MPPED2: variants seen among roughly 807,000 people sequenced by gnomAD.
MPPED2 encodes the protein metallophosphoesterase domain containing 2, also known as metallophosphoesterase MPPED2.
A neutral mutation model predicts 33.0 loss-of-function variants in MPPED2; 5 were observed. The observed-to-expected ratio is 0.15, with a 90% CI of 0.08 to 0.32. The LOEUF is 0.32. MPPED2 is among the 10% of genes least tolerant of loss of function. MPPED2 has a pLI of 1.00. For synonymous variants in MPPED2, 136 were observed against 141.9 expected (o/e 0.96, Z 0.29); for missense variants, 275 against 372.1 (o/e 0.74, Z 2.15).
At chr11:30,565,830 C>T (rs2134758929) in intron 2 of MPPED2, among the ~76,000 whole-genome samples, 1 of 152,168 alleles carries the variant, frequency 6.6e-6, no homozygotes, top group African/African-American at 2.4e-5. Flanking sequence ...GTTTAGTCAC[C>T]CACAATTAGA....
chr11:30,546,459 C>T (rs1360429677), intron 2 of MPPED2, among the ~76,000 whole-genome samples: 2 of 152,112 alleles, frequency 1.3e-5, no homozygotes, highest in African/African-American at 2.4e-5. Context: ...AAATTGAGAA[C>T]AAATTCTGTC....
intron 4 of MPPED2, among the ~76,000 whole-genome samples, chr11:30,463,448 G>A (rs1950585738): frequency 6.6e-6 from 1 of 152,214 alleles, no homozygotes; most frequent in African/African-American, 2.4e-5. Flanking sequence ...CCAGGCTAAG[G>A]CCATTTGTGC....
At chr11:30,419,085 T>C (rs898027907) in intron 4 of MPPED2, among the ~76,000 whole-genome samples, 1 of 152,188 alleles carries the variant, frequency 6.6e-6, no homozygotes, top group African/African-American at 2.4e-5. Flanking sequence ...TTGCTTATAA[T>C]AGAAATAAGA....
intron 4 of MPPED2, among the ~76,000 whole-genome samples, chr11:30,492,631 T>C (rs1428828532): frequency 6.6e-6 from 1 of 152,032 alleles, no homozygotes; most frequent in East Asian, 1.9e-4. Context: ...AGATTACAGT[T>C]TGACAGGACT....
intron 3 of MPPED2, among the ~76,000 whole-genome samples, chr11:30,519,446 T>C (rs1374117965): frequency 6.6e-6 from 1 of 151,874 alleles, no homozygotes; most frequent in Non-Finnish European, 1.5e-5. Context: ...ACACATATAA[T>C]AGTACTGATG....
rs1266674264 is a variant in MPPED2, at chr11:30,410,387, C to G, written c.*1081G>C. ...ATGGGAAAACAGAAATGACTATTAG[C>G]GACAATATTTTGTGCTAGCGAAGAT... On this transcript the variant is annotated 3_prime_UTR_variant, in exon 7 of 7. Transcript: ENST00000358117. 1.0e-6 allele frequency: 1 copy of G among 985,574 alleles called. No homozygotes were observed. The highest frequency in any genetic ancestry group is 1.7e-5 in the African/African-American group (1 of 57,182). The allele number at this position is 985,574 out of a possible 1,614,324, so 61.1% of individuals were successfully genotyped here. A position where few individuals can be genotyped will look rare whatever the true frequency, so the allele number is the denominator to read the frequency against.
downstream of MPPED2, among the ~76,000 whole-genome samples, chr11:30,408,409 T>G (rs1948023743): frequency 1.3e-5 from 2 of 152,314 alleles, no homozygotes; most frequent in South Asian, 4.1e-4. Flanking sequence ...CCTCCTGGGT[T>G]CAAGTGATTC....
chr11:30,502,780 T>G (rs550436753), intron 3 of MPPED2, among the ~76,000 whole-genome samples: 1 of 152,296 alleles, frequency 6.6e-6, no homozygotes, highest in African/African-American at 2.4e-5. Flanking sequence ...ATCAGCATTT[T>G]AAAATAAACA....
Position 30,580,255 on chromosome 11 carries a change from T to G in MPPED2, c.119A>C (p.His40Pro). Residue 40 changes from histidine (H) to proline (P), a missense_variant, in exon 2 of 7, where the codon CAT (histidine) becomes CCT (proline). Physicochemically the swap from His to Pro is moderately conservative, Grantham distance 77. Coordinates refer to ENST00000358117, the MANE Select transcript of MPPED2 (RefSeq NM_001584.3). ...NINQSRFQPP[H>P]VHMVDPIPYD... ...CATAAGCGATACTTACATATGTACA[T>G]GTGGAGGCTGGAATCTGCTCTGGTT... 3 of 1,614,050 alleles carry G rather than the reference T, an allele frequency of 1.9e-6. No homozygotes were observed. Among genetic ancestry groups the G allele is most frequent in the Non-Finnish European group, 2.5e-6 (3 of 1,179,940 alleles).
At chr11:30,575,134 T>C (rs1021970516) in intron 2 of MPPED2, among the ~76,000 whole-genome samples, 9 of 152,130 alleles carry the variant, frequency 5.9e-5, no homozygotes, top group African/African-American at 2.2e-4. Flanking sequence ...TGGCATGAAA[T>C]AATCACCCAG....
intron 3 of MPPED2, among the ~76,000 whole-genome samples, chr11:30,509,180 G>GC (rs1953002056): frequency 6.6e-6 from 1 of 152,008 alleles, no homozygotes; most frequent in African/African-American, 2.4e-5. Flanking sequence ...GTTATACAGG[G>GC]GCTTTTTTTA....
chr11:30,445,814 C>T (rs75807372), intron 4 of MPPED2, among the ~76,000 whole-genome samples: 7,313 of 152,258 alleles, frequency 0.048, 276 homozygotes, highest in Non-Finnish European at 0.072. Flanking sequence ...GATTAATATT[C>T]CATTTTAGGT....
At chr11:30,527,015 C>T (rs1164200313) in intron 3 of MPPED2, among the ~76,000 whole-genome samples, 2 of 151,942 alleles carry the variant, frequency 1.3e-5, no homozygotes, top group Non-Finnish European at 2.9e-5. Flanking sequence ...AGCTCCGCCT[C>T]CCAGGTTCAC....
chr11:30,501,818 G>T (rs546672656), intron 3 of MPPED2, among the ~76,000 whole-genome samples: 1 of 152,170 alleles, frequency 6.6e-6, no homozygotes, highest in Non-Finnish European at 1.5e-5. Flanking sequence ...GTCAAAGTCA[G>T]CATAACTCCC....
chr11:30,566,701 G>A (rs1221892003), intron 2 of MPPED2, among the ~76,000 whole-genome samples: 3 of 152,154 alleles, frequency 2.0e-5, no homozygotes, highest in African/African-American at 7.2e-5. Context: ...AACATGCCTA[G>A]CATTGTGATA....
At chr11:30,470,184 C>T (rs1950888470) in intron 4 of MPPED2, among the ~76,000 whole-genome samples, 1 of 152,114 alleles carries the variant, frequency 6.6e-6, no homozygotes, top group Admixed American at 6.5e-5. Context: ...GCTGGAGAGT[C>T]AGCTCATGAT....
chr11:30,493,714 T>G (rs1380015), intron 4 of MPPED2, among the ~76,000 whole-genome samples: 51 of 151,686 alleles, frequency 3.4e-4, no homozygotes, highest in African/African-American at 1.2e-3. Flanking sequence ...TAAGTTCACA[T>G]AAATACTTAG....
intron 6 of MPPED2, among the ~76,000 whole-genome samples, chr11:30,401,185 G>C (rs1183689305): frequency 6.6e-6 from 1 of 152,218 alleles, no homozygotes; most frequent in African/African-American, 2.4e-5. Context: ...GATTGTGACT[G>C]TGTGTTATAG....
At chr11:30,516,889 G>T (rs1485211002) in intron 3 of MPPED2, among the ~76,000 whole-genome samples, 1 of 152,174 alleles carries the variant, frequency 6.6e-6, no homozygotes, top group Non-Finnish European at 1.5e-5. Context: ...TTCATTTTAA[G>T]ATAAACTCTT....
Sources: gnomAD v4.1 joint callset for allele counts (sites outside exome capture counted in the v4.1 genomes callset) on GRCh38, gnomAD v4.1.1 for gene constraint, MANE v1.5 for transcripts, NCBI Gene and HGNC (gene_info 2026-07-23, HGNC 2026-07-21) for gene names.